LARGE1: variants seen among roughly 807,000 people sequenced by gnomAD.
LARGE1 encodes LARGE xylosyl- and glucuronyltransferase 1, also known as xylosyl- and glucuronyltransferase LARGE1.
Under a neutral mutation model 87.6 loss-of-function variants are expected in LARGE1, and 43 were observed. The ratio of observed to expected loss-of-function variants is 0.49; its 90% confidence interval spans 0.38 to 0.63. The LOEUF (loss-of-function observed/expected upper bound fraction) is 0.63. LARGE1 is among the 30% of genes least tolerant of loss of function. The pLI, the probability that LARGE1 is intolerant of heterozygous loss-of-function variation, is 0.00. For missense variants in LARGE1, 802 were observed against 1,000.2 expected, an observed-to-expected ratio of 0.80 and a Z score of 2.67; for synonymous variants, 434 against 394.6, an observed-to-expected ratio of 1.10 and a Z score of -1.18.
rs780406393 is a variant in LARGE1 at position 33,703,355 on chromosome 22, GAAA to G, written c.107-52690_107-52688del. Reference sequence around the variant, plus strand: ...GGACATGTATCCCAGAGCCTAAAGTGAAAAAAAAAAAAAAAATAAAATAAAAAA... The same window carrying G: ...GGACATGTATCCCAGAGCCTAAAGTGAAAAAAAAAAAAATAAAATAAAAAA... On this transcript the variant is annotated intron_variant, in intron 2 of 14. Coordinates refer to ENST00000397394, the MANE Select transcript of LARGE1 (RefSeq NM_133642.5). 1.4e-3 allele frequency among the ~76,000 whole-genome samples: 123 copies of G among 86,642 alleles called. 1 individual carries two copies. The highest frequency in any genetic ancestry group is 2.2e-3 in the Non-Finnish European group (90 of 40,720). The allele number at this position is 86,642 out of a possible 152,430, so 56.8% of individuals were successfully genotyped here.
chr22:33,120,372 T>TTC, the LARGE1 span, among the ~76,000 whole-genome samples: 4 of 85,214 alleles, frequency 4.7e-5, no homozygotes, highest in African/African-American at 2.8e-4. Context: ...CTTTCTTTCT[T>TTC]TCTTTCTTTC....
chr22:33,094,729 T>G, the LARGE1 span, among the ~76,000 whole-genome samples: 2 of 152,242 alleles, frequency 1.3e-5, no homozygotes, highest in Non-Finnish European at 2.9e-5. Context: ...TGTTTCGTTT[T>G]GGTTTTGAGA....
At chr22:33,233,698 G>A (rs1926120043) in intron 11 of LARGE1, among the ~76,000 whole-genome samples, 1 of 152,134 alleles carries the variant, frequency 6.6e-6, no homozygotes, top group Non-Finnish European at 1.5e-5. Context: ...TGAGACCCTG[G>A]AGATAATTTT....
At chr22:33,825,711 A>G (rs966924848) in intron 1 of LARGE1, among the ~76,000 whole-genome samples, 36 of 152,166 alleles carry the variant, frequency 2.4e-4, no homozygotes, top group Admixed American at 2.2e-3. Flanking sequence ...ACTACAATTC[A>G]AGGTGAGATT....
intron 1 of LARGE1, among the ~76,000 whole-genome samples, chr22:33,874,130 T>A (rs892808920): frequency 8.5e-5 from 13 of 152,120 alleles, no homozygotes; most frequent in Non-Finnish European, 1.8e-4. Flanking sequence ...CCTACCTCTG[T>A]CCAACGCAAA....
At chr22:33,483,031 C>G (rs1231180129) in intron 6 of LARGE1, among the ~76,000 whole-genome samples, 1 of 152,198 alleles carries the variant, frequency 6.6e-6, no homozygotes, top group East Asian at 1.9e-4. Context: ...CTCCGGAAAC[C>G]TCTGCCGTGT....
intron 11 of LARGE1, among the ~76,000 whole-genome samples, chr22:33,183,620 G>GCACACACACACACACACACA (rs56262703): frequency 6.5e-5 from 9 of 137,920 alleles, no homozygotes; most frequent in African/African-American, 2.6e-4. Context: ...ACACACACAC[G>GCACACACACACACACACACA]CACACACACA....
chr22:33,289,915 C>G (rs937487347), intron 12 of LARGE1, among the ~76,000 whole-genome samples: 2 of 152,076 alleles, frequency 1.3e-5, no homozygotes, highest in Admixed American at 6.5e-5. Context: ...TTGCTCCAAT[C>G]TGGCAAAACT....
chr22:33,471,264 G>A (rs369025828), intron 6 of LARGE1, among the ~76,000 whole-genome samples: 8 of 151,824 alleles, frequency 5.3e-5, no homozygotes, highest in South Asian at 4.2e-4. Flanking sequence ...AGCTGGTCTC[G>A]AACCCCTGAC....
intron 2 of LARGE1, among the ~76,000 whole-genome samples, chr22:33,735,213 C>G (rs917818815): frequency 6.6e-6 from 1 of 152,162 alleles, no homozygotes; most frequent in African/African-American, 2.4e-5. Context: ...TTAACAAATT[C>G]CCATGTATTT....
intron 6 of LARGE1, among the ~76,000 whole-genome samples, chr22:33,545,259 CT>C (rs2077325233): frequency 1.5e-5 from 2 of 132,538 alleles, no homozygotes; most frequent in East Asian, 2.1e-4. Flanking sequence ...TATGTCTTTC[CT>C]TTTCTTTTTT....
chr22:33,422,652 GGT>G (rs2066733427), intron 7 of LARGE1, among the ~76,000 whole-genome samples: 1 of 152,048 alleles, frequency 6.6e-6, no homozygotes, highest in South Asian at 2.1e-4. Context: ...TGGGATCACA[GGT>G]GCATGCCACC....
At chr22:33,774,723 CAATATAAAGCATTACTAATG>C (rs1301316791) in intron 1 of LARGE1, among the ~76,000 whole-genome samples, 1 of 152,188 alleles carries the variant, frequency 6.6e-6, no homozygotes. Flanking sequence ...AACATGTAAT[CAATATAAAGCATTACTAATG>C]AGGCGCTTTA....
At chr22:33,466,208 C>A (rs573122046) in intron 6 of LARGE1, among the ~76,000 whole-genome samples, 1 of 152,128 alleles carries the variant, frequency 6.6e-6, no homozygotes, top group Non-Finnish European at 1.5e-5. Flanking sequence ...TCATGGTCAG[C>A]GCCTTTCTGT....
chr22:33,874,471 G>A (rs944978144), intron 1 of LARGE1, among the ~76,000 whole-genome samples: 14 of 152,288 alleles, frequency 9.2e-5, no homozygotes, highest in Admixed American at 3.9e-4. Flanking sequence ...CAGCTGAAAC[G>A]GAGCAATTTG....
At chr22:33,441,420 T>G (rs2067472202) in intron 6 of LARGE1, among the ~76,000 whole-genome samples, 1 of 152,096 alleles carries the variant, frequency 6.6e-6, no homozygotes, top group Non-Finnish European at 1.5e-5. Flanking sequence ...GTTCTAGCTC[T>G]TCTATATTTA....
intron 6 of LARGE1, among the ~76,000 whole-genome samples, chr22:33,487,021 A>G (rs1408179459): frequency 6.6e-6 from 1 of 152,188 alleles, no homozygotes. Flanking sequence ...TCCTTTTTAC[A>G]TTCGCTCTGG....
chr22:33,331,084 G>A lies in LARGE1; in HGVS notation c.1287+6562C>T, dbSNP rs560349605. Among the ~76,000 whole-genome samples, 3 of 152,232 alleles carry A rather than the reference G, an allele frequency of 2.0e-5. No individual in the cohort carries two copies. In the South Asian group the frequency reaches 6.2e-4, roughly 32 times the overall value. The stretch of plus-strand genomic sequence containing the variant: ...TGGAACAGTGGATTATGATCACATG[G>A]GTCAGGCATTGGGGTCTGTGAAGAA... On this transcript the variant is annotated intron_variant, in intron 10 of 14. Coordinates refer to ENST00000397394, the MANE Select transcript of LARGE1 (RefSeq NM_133642.5).
downstream of LARGE1, among the ~76,000 whole-genome samples, chr22:33,160,890 A>T (rs1332312402): frequency 6.6e-6 from 1 of 152,256 alleles, no homozygotes; most frequent in Admixed American, 6.5e-5. Context: ...TGAAAGTAGC[A>T]GAGTGAAGAT....
Sources: allele counts gnomAD v4.1 joint callset (sites outside exome capture counted in the v4.1 genomes callset), GRCh38; gene constraint gnomAD v4.1.1; transcripts MANE v1.5; gene names NCBI Gene and HGNC (gene_info 2026-07-23, HGNC 2026-07-21).